The following ZBED6 variants were observed in gnomAD, a reference collection of about 807,000 sequenced individuals.
ZBED6 encodes zinc finger BED domain-containing protein 6.
In ZBED6, 40 loss-of-function variants were observed where a neutral mutation model predicts 58.4. The observed-to-expected ratio is 0.68, with a 90% CI of 0.53 to 0.89. The LOEUF is 0.89. Ranked by LOEUF, ZBED6 falls within the 40% of genes least tolerant of loss-of-function variation. The probability of loss-of-function intolerance (pLI) is 0.00; values close to 1 mark genes in which losing one functional copy is unlikely to be tolerated. For synonymous variants in ZBED6, 439 were observed against 350.6 expected, an observed-to-expected ratio of 1.25 and a Z score of -2.82; for missense variants, 1,057 against 1,003.9, an observed-to-expected ratio of 1.05 and a Z score of -0.71.
intron 16 of ZBED6, 87 bp downstream of exon 16, chr1:203,851,211 A>C (rs1689169584): frequency 8.4e-7 from 1 of 1,185,868 alleles, no homozygotes; most frequent in Admixed American, 2.3e-5. Flanking sequence ...AAATAACTTT[A>C]GCAACATTCA....
At chr1:203,811,463 A>G (rs10900520) in intron 1 of ZBED6, among the ~76,000 whole-genome samples, 48,202 of 152,028 alleles carry the variant, frequency 0.32, 8,277 homozygotes, top group East Asian at 0.74. Context: ...TCTTTGGAAT[A>G]TTGATTTTGT....
intron 11 of ZBED6, among the ~76,000 whole-genome samples, chr1:203,841,461 C>T (rs979795233): frequency 5.3e-5 from 8 of 152,108 alleles, no homozygotes; most frequent in African/African-American, 1.4e-4. Context: ...TCAGAGAGCA[C>T]GGGGTTGGGA....
intron 1 of ZBED6, among the ~76,000 whole-genome samples, chr1:203,807,400 G>A (rs1254661797): frequency 1.3e-5 from 2 of 151,170 alleles, no homozygotes; most frequent in Non-Finnish European, 2.9e-5. Flanking sequence ...TTCCTCCAGC[G>A]TCAGCCCCCT....
chr1:203,796,809 A>G, exon 1 of ZBED6: 1 of 195,334 alleles, frequency 5.1e-6, no homozygotes, highest in Non-Finnish European at 1.0e-5. Context: ...TGCAGCATTT[A>G]ACCTTGTTTT....
chr1:203,798,441 C>A (rs947435131), exon 1 of ZBED6: 2 of 1,535,720 alleles, frequency 1.3e-6, no homozygotes, highest in African/African-American at 2.7e-5. Context: ...TTCAACACTT[C>A]AACGACACCT....
intron 3 of ZBED6, among the ~76,000 whole-genome samples, chr1:203,825,171 G>A (rs1471060003): frequency 6.6e-6 from 1 of 151,498 alleles, no homozygotes; most frequent in Non-Finnish European, 1.5e-5. Flanking sequence ...ATTAATGAAT[G>A]AACAATATTA....
exon 1 of ZBED6, chr1:203,797,668 CAGA>C (rs1457979525): frequency 2.2e-5 from 34 of 1,535,818 alleles, no homozygotes; most frequent in East Asian, 4.9e-5. Flanking sequence ...AAGATGGTAG[CAGA>C]AGGAGTGAAT....
At chr1:203,803,392 TC>T (rs1459951130) in intron 1 of ZBED6, among the ~76,000 whole-genome samples, 1 of 151,964 alleles carries the variant, frequency 6.6e-6, no homozygotes, top group Admixed American at 6.5e-5. Context: ...AGTTTCACCA[TC>T]TTGGCCAGGC....
At position 203,823,090 on chromosome 1, in the gene ZBED6, T is replaced by C. The variant is rs200004611; in HGVS notation, c.*2873+4401T>C. 5.3e-5 allele frequency among the ~76,000 whole-genome samples: 8 copies of C among 150,520 alleles called. 1 individual carries two copies. Among genetic ancestry groups the C allele is most frequent in the Non-Finnish European group, 8.9e-5 (6 of 67,562 alleles). On this transcript the variant is annotated intron_variant, in intron 3 of 16. Transcript: ENST00000550078. ...TTTATGTTATAACATGAAAAGTCAA[T>C]GTTGTAACATTTTTAGTGGAGTGTA...
intron 1 of ZBED6, chr1:203,805,900 G>T: frequency 1.4e-6 from 1 of 698,910 alleles, no homozygotes. Context: ...AATCTGGTCA[G>T]TTTTCACTTG....
chr1:203,821,714 A>G (rs1256594209), intron 3 of ZBED6, among the ~76,000 whole-genome samples: 2 of 152,032 alleles, frequency 1.3e-5, no homozygotes, highest in East Asian at 1.9e-4. Flanking sequence ...AGGAATATAT[A>G]AATGTATACA....
exon 1 of ZBED6, chr1:203,801,729 A>G (rs1187677308): frequency 6.6e-6 from 1 of 152,596 alleles, no homozygotes; most frequent in African/African-American, 2.4e-5. Context: ...TATTTATTAC[A>G]TAAGAATCAA....
exon 12 of ZBED6, chr1:203,847,232 T>A (rs2103400422): frequency 1.2e-6 from 2 of 1,613,742 alleles, no homozygotes; most frequent in Non-Finnish European, 1.7e-6. Context: ...TTAGAAGAAA[T>A]TCTTCTTGAA....
intron 1 of ZBED6, chr1:203,805,541 T>C: frequency 1.8e-6 from 1 of 560,328 alleles, no homozygotes; most frequent in Non-Finnish European, 3.6e-6. Context: ...CAGAAACGTA[T>C]CTGTTACGGT....
intron 16 of ZBED6, among the ~76,000 whole-genome samples, chr1:203,851,549 C>T (rs1689261527): frequency 1.3e-5 from 2 of 152,106 alleles, no homozygotes; most frequent in African/African-American, 4.8e-5. Flanking sequence ...AGGGTGGTCT[C>T]AAACTCCTGA....
intron 1 of ZBED6, among the ~76,000 whole-genome samples, chr1:203,808,814 C>A (rs1309602965): frequency 2.0e-5 from 3 of 151,726 alleles, no homozygotes; most frequent in Admixed American, 2.0e-4. Flanking sequence ...TTTTTTTCTT[C>A]ATTATTATCA....
chr1:203,846,333 A>G (rs1473955818), intron 11 of ZBED6, among the ~76,000 whole-genome samples: 3 of 152,164 alleles, frequency 2.0e-5, no homozygotes, highest in African/African-American at 7.2e-5. Flanking sequence ...CAGTTTAGAC[A>G]GATATAGAAC....
intron 11 of ZBED6, among the ~76,000 whole-genome samples, chr1:203,842,933 TTTAA>T (rs1352150579): frequency 1.3e-5 from 2 of 151,702 alleles, no homozygotes; most frequent in African/African-American, 4.8e-5. Context: ...TCTTTTTTTT[TTTAA>T]TACCTTGCTG....
chr1:203,815,216 C>CTTTTCTTT (rs1553261508), intron 1 of ZBED6, among the ~76,000 whole-genome samples: 12 of 97,144 alleles, frequency 1.2e-4, no homozygotes, highest in African/African-American at 4.7e-4. Flanking sequence ...CTTTTCTTTT[C>CTTTTCTTT]TTTTTTTTTT....
Sources: gnomAD v4.1 joint callset for allele counts (sites outside exome capture counted in the v4.1 genomes callset) on GRCh38, gnomAD v4.1.1 for gene constraint, MANE v1.5 for transcripts, NCBI Gene and HGNC (gene_info 2026-07-23, HGNC 2026-07-21) for gene names.